COL17A1: variants seen among roughly 807,000 people sequenced by gnomAD.
The protein encoded by COL17A1 is collagen type XVII alpha 1 chain.
In COL17A1, 181 loss-of-function variants were observed where a neutral mutation model predicts 218.4. The observed-to-expected ratio is 0.83, with a 90% confidence interval of 0.73 to 0.94. The LOEUF (loss-of-function observed/expected upper bound fraction) is 0.94. COL17A1 is among the 40% of genes least tolerant of loss of function. COL17A1 has a pLI of 0.00. For synonymous variants in COL17A1, 721 were observed against 731.0 expected (o/e 0.99, Z 0.22); for missense variants, 1,924 against 1,945.9 (o/e 0.99, Z 0.21).
At position 104,034,158 on chromosome 10, in the gene COL17A1, C is replaced by T. The variant is rs372245528; in HGVS notation, c.3943G>A (p.Gly1315Arg). 2.9e-5 allele frequency: 46 copies of T among 1,613,670 alleles called. No individual in the cohort carries two copies. The highest frequency in any genetic ancestry group is 3.6e-5 in the Non-Finnish European group (43 of 1,179,976). The change falls in exon 52 of 56, where the codon GGA becomes AGA. Residue 1315 changes from glycine (G) to arginine (R), a missense_variant. Physicochemically the swap from Gly to Arg is moderately radical, Grantham distance 125 (BLOSUM62 -2). Coordinates refer to ENST00000648076, the MANE Select transcript of COL17A1 (RefSeq NM_000494.4). Reference sequence around the variant, plus strand: ...GCACCCAGGGAGCCTGCACCACCTCCTCCTGTGCTCATGGAAGAGCTGTAG... The same window carrying T: ...GCACCCAGGGAGCCTGCACCACCTCTTCCTGTGCTCATGGAAGAGCTGTAG... ...SSYSSSMSTG[G>R]GGAGSLGAGG...
At chr10:104,039,720 C>T in intron 41 of COL17A1, 80 bp from the exon 42 acceptor site, 3 of 1,598,600 alleles carry the variant, frequency 1.9e-6, no homozygotes, top group Non-Finnish European at 2.6e-6. Flanking sequence ...CCCCAAGATC[C>T]ATGATTGCTG....
intron 9 of COL17A1, among the ~76,000 whole-genome samples, chr10:104,068,084 C>T (rs148676809): frequency 4.2e-4 from 64 of 152,192 alleles, no homozygotes; most frequent in South Asian, 2.5e-3. Context: ...AGTTGATCTT[C>T]GGCAGGGCCC....
intron 2 of COL17A1, among the ~76,000 whole-genome samples, chr10:104,078,830 T>C (rs576319724): frequency 1.3e-5 from 2 of 152,362 alleles, no homozygotes; most frequent in African/African-American, 4.8e-5. Context: ...AGTTATGCAC[T>C]GCGTTTGAAA....
chr10:104,077,444 G>A lies in COL17A1; in HGVS notation c.180C>T (p.Gly60=), dbSNP rs760322792. The stretch of plus-strand genomic sequence containing the variant: ...CACTTGAGTTTATGTAGCCGCTGCT[G>A]CCATGAGTCAGGCTTTGTTTCTCCA... ...SRLEKQSLTH[G]SSGYINSTGS... is the part of the protein sequence containing the mutation. The change falls in exon 4 of 56, where the codon GGC becomes GGT. Residue 60 remains glycine, a synonymous_variant. Coordinates refer to ENST00000648076, the MANE Select transcript of COL17A1 (RefSeq NM_000494.4). 2.7e-5 allele frequency: 44 copies of A among 1,613,190 alleles called. No individual in the cohort carries two copies. The South Asian group carries it at 4.2e-4, about 15-fold the overall frequency.
chr10:104,056,051 C>A (rs1156272737), intron 17 of COL17A1, 48 bp from the exon 18 acceptor site: 1 of 1,606,188 alleles, frequency 6.2e-7, no homozygotes, highest in East Asian at 2.2e-5. Flanking sequence ...CGGTCCTTCG[C>A]CTTCCATACA....
intron 46 of COL17A1, 31 bp downstream of exon 46, chr10:104,037,605 T>C (rs2086313161): frequency 6.2e-7 from 1 of 1,613,650 alleles, no homozygotes. Flanking sequence ...AGGAGGAAGG[T>C]GCCAGGTGCA....
chr10:104,058,503 G>A lies in COL17A1; in HGVS notation c.1223-313C>T, dbSNP rs373349251. On this transcript the variant is annotated intron_variant, in intron 15 of 55. Transcript: ENST00000648076. ...TGCCGCTTGCATTCAAACAATAAGT[G>A]TGGTTGTGAGAAATGACTCTGATTT... Among the ~76,000 whole-genome samples, 7 of 152,272 alleles carry A rather than the reference G, an allele frequency of 4.6e-5. No homozygotes were observed. In the East Asian group the frequency reaches 5.8e-4, roughly 13 times the overall value.
rs2086712103 is a variant in COL17A1 at position 104,076,511 on chromosome 10, C to T, written c.203-82G>A. ...GGCTACTGTGACCCAGCTATATTAA[C>T]CAAGTACACTCAGGGAGGGTCTTCG... On this transcript the variant is annotated intron_variant, in intron 4 of 55. Transcript: ENST00000648076. 9 of 1,595,750 alleles carry T rather than the reference C, an allele frequency of 5.6e-6. No individual in the cohort carries two copies. The Admixed American group carries it at 1.3e-4, about 24-fold the overall frequency.
intron 4 of COL17A1, among the ~76,000 whole-genome samples, 176 bp from the exon 5 acceptor site, chr10:104,076,605 T>A (rs1263257078): frequency 6.6e-6 from 1 of 152,198 alleles, no homozygotes; most frequent in Non-Finnish European, 1.5e-5. Context: ...GGTGGAATTA[T>A]TGCCTGGGAA....
In COL17A1 at chr10:104,070,188, T is replaced by C. The variant is rs4918080; in HGVS notation, c.607+238A>G. On this transcript the variant is annotated intron_variant, in intron 9 of 55. Coordinates refer to ENST00000648076, the MANE Select transcript of COL17A1 (RefSeq NM_000494.4). ...CTAAACCATAAAATTCAATGCCTGCTGAGTCTTACATTGTGGGAATTTAGG... is the reference window on the plus strand; with the variant it reads ...CTAAACCATAAAATTCAATGCCTGCCGAGTCTTACATTGTGGGAATTTAGG... Among the ~76,000 whole-genome samples, 150,420 of 152,292 alleles carry C rather than the reference T, an allele frequency of 0.99. 74,302 individuals are homozygous for C. Among genetic ancestry groups the C allele is most frequent in the Middle Eastern group, 1 (294 of 294 alleles).
rs775946356 is a variant in COL17A1 at position 104,076,422 on chromosome 10, G to A, written c.210C>T (p.Ser70=). The A allele has an allele frequency of 6.8e-6, 11 of 1,613,968 alleles. No homozygotes were observed. Among genetic ancestry groups the A allele is most frequent in the Non-Finnish European group, 9.3e-6 (11 of 1,179,958 alleles). The change falls in exon 5 of 56, where the codon AGC becomes AGT. Residue 70 remains serine, a synonymous_variant. Coordinates refer to ENST00000648076, the MANE Select transcript of COL17A1 (RefSeq NM_000494.4). ...TAGAGGTGGAGGCATGGCCTCGTGT[G>A]CTTCCAGCTGCAAGAGGGAAAAAGC... ...GSSGYINSTG[S]TRGHASTSSY...
At position 104,035,457 on chromosome 10, in the gene COL17A1, C is replaced by T. The variant is rs757892387; in HGVS notation, c.3508+17G>A. Reference sequence around the variant, plus strand: ...CCTCCCCAACCAGTTGGACAGATGTCCCCTGCTGGGCCTTACCTCGCAGCA... The same window carrying T: ...CCTCCCCAACCAGTTGGACAGATGTTCCCTGCTGGGCCTTACCTCGCAGCA... On this transcript the variant is annotated intron_variant, in intron 49 of 55. Coordinates refer to ENST00000648076, the MANE Select transcript of COL17A1 (RefSeq NM_000494.4). 4.3e-6 allele frequency: 7 copies of T among 1,613,920 alleles called. No individual in the cohort carries two copies. The highest frequency in any genetic ancestry group is 1.6e-4 in the Middle Eastern group (1 of 6,062).
intron 48 of COL17A1, 45 bp downstream of exon 48, chr10:104,036,447 A>C: frequency 6.2e-7 from 1 of 1,612,888 alleles, no homozygotes; most frequent in East Asian, 2.2e-5. Flanking sequence ...TCCTCATCCC[A>C]GTCATCCCAG....
chr10:104,035,219 G>C lies in COL17A1; in HGVS notation c.3619+44C>G. On this transcript the variant is annotated intron_variant, in intron 50 of 55. Transcript: ENST00000648076. Reference sequence around the variant, plus strand: ...AAGCCCATGGGAGCCCCCAAGGCCCGGCTGCATCCCCTGCCCTCCCCATCC... The same window carrying C: ...AAGCCCATGGGAGCCCCCAAGGCCCCGCTGCATCCCCTGCCCTCCCCATCC... 2.6e-6 allele frequency: 4 copies of C among 1,539,908 alleles called. No individual in the cohort carries two copies. In the South Asian group the frequency reaches 4.6e-5, roughly 18 times the overall value.
At chr10:104,054,229 T>C (rs965378016) in intron 20 of COL17A1, 111 bp from the exon 21 acceptor site, 1 of 1,025,026 alleles carries the variant, frequency 9.8e-7, no homozygotes, top group Admixed American at 2.0e-5. Context: ...GAAATAAAAA[T>C]GCAGATGTCC....
chr10:104,074,631 A>G (rs17116463), intron 5 of COL17A1, among the ~76,000 whole-genome samples: 2,499 of 152,250 alleles, frequency 0.016, 71 homozygotes, highest in African/African-American at 0.058. Flanking sequence ...GCTTGTCCCA[A>G]ACGTGGACCC....
chr10:104,073,321 A>G, intron 6 of COL17A1, 76 bp from the exon 7 acceptor site: 3 of 1,323,246 alleles, frequency 2.3e-6, no homozygotes, highest in Non-Finnish European at 3.3e-6. Flanking sequence ...GGAGGCAGAT[A>G]TATTTGGGGA....
chr10:104,077,272 G>A, intron 4 of COL17A1, 150 bp downstream of exon 4: 2 of 719,046 alleles, frequency 2.8e-6, no homozygotes, highest in East Asian at 5.4e-5. Flanking sequence ...ACTCTCAGGG[G>A]GATTTGGAAT....
At position 104,076,369 on chromosome 10, in the gene COL17A1, G is replaced by T. The variant is rs1589577980; in HGVS notation, c.263C>A (p.Ser88Tyr). 1.2e-6 allele frequency: 2 copies of T among 1,614,216 alleles called. No individual in the cohort carries two copies. Among genetic ancestry groups the T allele is most frequent in the African/African-American group, 2.7e-5 (2 of 75,054 alleles). Residue 88 changes from serine to tyrosine, a missense_variant, in exon 5 of 56, where the codon TCC (serine) becomes TAC (tyrosine). By Grantham distance (144) the Ser-to-Tyr change is moderately radical (BLOSUM62 -2). Coordinates refer to ENST00000648076, the MANE Select transcript of COL17A1 (RefSeq NM_000494.4). The part of the protein sequence containing the change: ...SSYRRAHSPA[S>Y]TLPNSPGSTF... ...TGAGCCTGGGGAGTTGGGCAGAGTG[G>T]AGGCAGGTGAGTGAGCCCTCCTGTA...
Sources: allele counts gnomAD v4.1 joint callset (sites outside exome capture counted in the v4.1 genomes callset), GRCh38; gene constraint gnomAD v4.1.1; transcripts MANE v1.5; gene names NCBI Gene and HGNC (gene_info 2026-07-23, HGNC 2026-07-21).